TANK: variants seen among roughly 807,000 people sequenced by gnomAD.
TANK encodes TRAF family member associated NFKB activator, also known as TRAF family member-associated NF-kappa-B activator.
A neutral mutation model predicts 43.6 loss-of-function variants in TANK; 15 were observed. The ratio of observed to expected loss-of-function variants is 0.34; its 90% CI spans 0.23 to 0.53. TANK has a LOEUF of 0.53. Among genes scored for constraint, TANK ranks in the 20% least tolerant of loss-of-function variants. The probability of loss-of-function intolerance (pLI) is 0.94; values close to 1 mark genes in which losing one functional copy is unlikely to be tolerated. For synonymous variants in TANK, 162 were observed against 178.2 expected, an observed-to-expected ratio of 0.91 and a Z score of 0.73; for missense variants, 417 against 498.6, an observed-to-expected ratio of 0.84 and a Z score of 1.56.
At chr2:161,187,042 G>A (rs1422170963) in intron 2 of TANK, among the ~76,000 whole-genome samples, 1 of 152,186 alleles carries the variant, frequency 6.6e-6, no homozygotes. Flanking sequence ...TGGCAAAGAG[G>A]TGGAAAAGGG....
intron 4 of TANK, chr2:161,205,096 G>A (rs1686588844): frequency 1.8e-6 from 1 of 544,682 alleles, no homozygotes. Flanking sequence ...AGGCCAAGGA[G>A]GGAGGATCAC....
chr2:161,200,896 T>C (rs1259816078), intron 2 of TANK: 1 of 171,222 alleles, frequency 5.8e-6, no homozygotes, highest in East Asian at 1.9e-4. Flanking sequence ...AACTCTGATA[T>C]TTCTTTAACA....
chr2:161,162,420 T>A (rs369816008), intron 1 of TANK: 2 of 152,142 alleles, frequency 1.3e-5, no homozygotes, highest in South Asian at 2.1e-4. Flanking sequence ...AGTGTTTATG[T>A]ATCTGGCCAA....
At chr2:161,141,579 G>A (rs1248157371) in intron 1 of TANK, among the ~76,000 whole-genome samples, 1 of 152,124 alleles carries the variant, frequency 6.6e-6, no homozygotes, top group African/African-American at 2.4e-5. Context: ...TAGAACATGC[G>A]ATGTTTGGTT....
chr2:161,209,821 G>A (rs1309258342), intron 4 of TANK, among the ~76,000 whole-genome samples: 1 of 152,182 alleles, frequency 6.6e-6, no homozygotes, highest in East Asian at 1.9e-4. Context: ...AGAGCAAAGA[G>A]ATGTTGTCCC....
intron 2 of TANK, among the ~76,000 whole-genome samples, chr2:161,183,283 G>A (rs1023247095): frequency 3.3e-5 from 5 of 152,080 alleles, no homozygotes; most frequent in Non-Finnish European, 7.4e-5. Context: ...CATTAGGGGT[G>A]GATAGGAGGA....
At chr2:161,220,710 C>T (rs1054099105) in intron 4 of TANK, among the ~76,000 whole-genome samples, 1 of 152,028 alleles carries the variant, frequency 6.6e-6, no homozygotes, top group East Asian at 1.9e-4. Flanking sequence ...TATTTCTTTT[C>T]TGTATCTTTC....
At chr2:161,149,947 T>G (rs1573946817) in intron 1 of TANK, among the ~76,000 whole-genome samples, 1 of 152,188 alleles carries the variant, frequency 6.6e-6, no homozygotes, top group African/African-American at 2.4e-5. Context: ...TTTAGCTTTC[T>G]TTTTTATCAC....
At chr2:161,189,587 A>C (rs1185123191) in intron 2 of TANK, among the ~76,000 whole-genome samples, 1 of 152,194 alleles carries the variant, frequency 6.6e-6, no homozygotes, top group East Asian at 1.9e-4. Context: ...TTGGATACGA[A>C]GAAATAAAAT....
chr2:161,146,986 AG>A (rs1167942940), intron 1 of TANK, among the ~76,000 whole-genome samples: 3 of 152,250 alleles, frequency 2.0e-5, no homozygotes, highest in South Asian at 2.1e-4. Flanking sequence ...GCTCAGCCCC[AG>A]GGGGATCAGA....
At chr2:161,148,443 T>C (rs551900859) in intron 1 of TANK, among the ~76,000 whole-genome samples, 1 of 152,352 alleles carries the variant, frequency 6.6e-6, no homozygotes, top group South Asian at 2.1e-4. Context: ...ATCAGATATG[T>C]GATTTGCAAA....
intron 4 of TANK, chr2:161,205,032 C>A: frequency 1.7e-6 from 2 of 1,166,216 alleles, no homozygotes; most frequent in Non-Finnish European, 2.2e-6. Context: ...AAACATTTAA[C>A]AAAGAAATAG....
At chr2:161,149,685 A>G (rs906701660) in intron 1 of TANK, among the ~76,000 whole-genome samples, 1 of 150,770 alleles carries the variant, frequency 6.6e-6, no homozygotes, top group African/African-American at 2.4e-5. Flanking sequence ...CTGAGGAATC[A>G]TGGAAGGGTG....
At chr2:161,233,346 G>A (rs1238919596) in intron 7 of TANK, among the ~76,000 whole-genome samples, 8 of 152,070 alleles carry the variant, frequency 5.3e-5, no homozygotes, top group Non-Finnish European at 8.8e-5. Flanking sequence ...GCAGTGAGCT[G>A]TGATGGTGCC....
chr2:161,154,580 G>A (rs1182679847), intron 1 of TANK, among the ~76,000 whole-genome samples: 1 of 152,154 alleles, frequency 6.6e-6, no homozygotes, highest in Non-Finnish European at 1.5e-5. Flanking sequence ...TAGTAGCAAT[G>A]GGGACATAGA....
intron 2 of TANK, among the ~76,000 whole-genome samples, chr2:161,191,016 C>T (rs1478440959): frequency 6.6e-6 from 1 of 152,168 alleles, no homozygotes; most frequent in African/African-American, 2.4e-5. Flanking sequence ...TTCAACTTGT[C>T]ACTCATCAAT....
At chr2:161,166,305 C>G (rs1452654722) in intron 1 of TANK, among the ~76,000 whole-genome samples, 2 of 152,176 alleles carry the variant, frequency 1.3e-5, no homozygotes. Flanking sequence ...TGGGTATATT[C>G]ATGACCAAAG....
intron 2 of TANK, among the ~76,000 whole-genome samples, chr2:161,189,670 C>G (rs1382917332): frequency 1.3e-5 from 2 of 152,116 alleles, no homozygotes; most frequent in Admixed American, 6.6e-5. Context: ...AAAAACCCAC[C>G]TGTTAGAACT....
chr2:161,197,226 C>T (rs1021742848), intron 2 of TANK: 4 of 152,140 alleles, frequency 2.6e-5, no homozygotes, highest in Admixed American at 1.3e-4. Flanking sequence ...AACAAATGTG[C>T]GATTTTTATA....
Sources: gnomAD v4.1 joint callset for allele counts (sites outside exome capture counted in the v4.1 genomes callset) on GRCh38, gnomAD v4.1.1 for gene constraint, MANE v1.5 for transcripts, NCBI Gene and HGNC (gene_info 2026-07-23, HGNC 2026-07-21) for gene names.